The following RARB variants were observed in gnomAD, a reference collection of about 807,000 sequenced individuals.
The protein encoded by RARB is retinoic acid receptor beta, also known as HBV-activated protein.
In RARB, 17 loss-of-function variants were observed where a neutral mutation model predicts 51.9. That is an observed-to-expected ratio of 0.33 (90% CI 0.22 to 0.49). The LOEUF is 0.49. Ranked by LOEUF, RARB falls within the 20% of genes least tolerant of loss-of-function variation. The pLI, the probability that RARB is intolerant of heterozygous loss-of-function variation, is 0.99. For synonymous variants in RARB, 215 were observed against 195.4 expected (o/e 1.10, Z -0.84); for missense variants, 369 against 550.8 (o/e 0.67, Z 3.30).
At chr3:25,034,185 C>G (rs1430195312) in intron 2 of RARB, among the ~76,000 whole-genome samples, 1 of 152,180 alleles carries the variant, frequency 6.6e-6, no homozygotes, top group Non-Finnish European at 1.5e-5. Flanking sequence ...TGGCGTATGC[C>G]TGTAATCCCG....
intron 3 of RARB, among the ~76,000 whole-genome samples, chr3:25,084,033 T>C (rs575838424): frequency 1.1e-3 from 174 of 152,260 alleles, no homozygotes; most frequent in African/African-American, 4.0e-3. Context: ...TCTGGCAGAG[T>C]TCTCTCAGTC....
At chr3:25,537,774 A>C (rs1039579605) in intron 3 of RARB, among the ~76,000 whole-genome samples, 4 of 152,240 alleles carry the variant, frequency 2.6e-5, no homozygotes, top group Non-Finnish European at 5.9e-5. Flanking sequence ...AGTTTTAACT[A>C]TAATCAAAAT....
Position 25,520,954 on chromosome 3 carries a change from T to C in RARB, c.448+19631T>C, listed in dbSNP as rs182594225. Among the ~76,000 whole-genome samples, 1,091 of 152,344 alleles carry C rather than the reference T, an allele frequency of 7.2e-3. 6 individuals carry two copies. The highest frequency in any genetic ancestry group is 0.012 in the Non-Finnish European group (807 of 68,022). On this transcript the variant is annotated intron_variant, in intron 3 of 7. Transcript: ENST00000330688. The stretch of plus-strand genomic sequence containing the variant: ...TGTTTTGTCAGCTGTAGCACAAAAG[T>C]CCTCATTCCTACCCTTTATACACCT...
At chr3:25,133,186 A>G (rs1699979620) in intron 4 of RARB, among the ~76,000 whole-genome samples, 1 of 152,002 alleles carries the variant, frequency 6.6e-6, no homozygotes, top group Non-Finnish European at 1.5e-5. Context: ...AAATTTATTA[A>G]GATGTTCGTA....
intron 1 of RARB, among the ~76,000 whole-genome samples, chr3:24,832,167 G>A (rs1031152142): frequency 2.0e-5 from 3 of 152,142 alleles, no homozygotes; most frequent in Admixed American, 2.0e-4. Flanking sequence ...TAAAATGCCA[G>A]CAAAACAGCT....
chr3:25,102,789 C>T lies in RARB; in HGVS notation c.-327-29372C>T, dbSNP rs149929883. On this transcript the variant is annotated intron_variant, in intron 3 of 11. Coordinates refer to the RARB transcript ENST00000383772. ...GCTTCATGCTGGGCGCTGTGGCTCA[C>T]GCCTGTAATCCCAGCACTTTGGGAG... Among the ~76,000 whole-genome samples, 305 of 152,246 alleles carry T rather than the reference C, an allele frequency of 2.0e-3. 1 individual carries two copies. The highest frequency in any genetic ancestry group is 7.0e-3 in the African/African-American group (291 of 41,570).
chr3:24,878,457 G>T (rs1359324545), intron 2 of RARB, among the ~76,000 whole-genome samples: 1 of 152,022 alleles, frequency 6.6e-6, no homozygotes, highest in Non-Finnish European at 1.5e-5. Context: ...ATGATTTGGA[G>T]TGGGAAGCAA....
intron 5 of RARB, among the ~76,000 whole-genome samples, chr3:25,322,279 T>C (rs1042828025): frequency 2.6e-5 from 4 of 152,066 alleles, no homozygotes; most frequent in Non-Finnish European, 5.9e-5. Context: ...AGATAAGCCA[T>C]AGAGGGATAA....
intron 4 of RARB, among the ~76,000 whole-genome samples, chr3:25,571,809 T>C (rs1282528600): frequency 6.6e-6 from 1 of 152,134 alleles, no homozygotes; most frequent in Non-Finnish European, 1.5e-5. Context: ...AGACAATTTA[T>C]GAAAAGCTGC....
intron 5 of RARB, among the ~76,000 whole-genome samples, chr3:25,390,647 C>T (rs1352819167): frequency 6.6e-6 from 1 of 152,034 alleles, no homozygotes; most frequent in African/African-American, 2.4e-5. Context: ...ATAGAATAAC[C>T]AAATGCATAT....
rs551233101 is a variant in RARB at position 24,884,020 on chromosome 3, T to C, written c.-380+25268T>C. ...AATAGGTAACAAGCATCTCGTCATA[T>C]ACTTTCTTGGTTTCCTGACACCAAC... On this transcript the variant is annotated intron_variant, in intron 2 of 11. Coordinates refer to the RARB transcript ENST00000383772. Among the ~76,000 whole-genome samples, 9 of 152,288 alleles carry C rather than the reference T, an allele frequency of 5.9e-5. No individual in the cohort carries two copies. The East Asian group carries it at 1.7e-3, about 29-fold the overall frequency.
chr3:25,497,033 C>T (rs149886693), intron 2 of RARB, among the ~76,000 whole-genome samples: 12,263 of 152,172 alleles, frequency 0.081, 607 homozygotes, highest in Middle Eastern at 0.17. Context: ...TACAGGCATG[C>T]GCCACCATGC....
chr3:25,580,144 G>A lies in RARB; in HGVS notation c.610-402G>A, dbSNP rs12494611. Among the ~76,000 whole-genome samples, 97 of 152,358 alleles carry A rather than the reference G, an allele frequency of 6.4e-4. No homozygotes were observed. In the Middle Eastern group the frequency reaches 0.01, roughly 16 times the overall value. On this transcript the variant is annotated intron_variant, in intron 4 of 7. Transcript: ENST00000330688. ...AATCCCAGCACTTTGGGAGGCCGAG[G>A]CGGGTGAATCATGAGGTCAGGAGAT...
At chr3:25,283,538 C>T (rs1007658623) in intron 5 of RARB, among the ~76,000 whole-genome samples, 6 of 152,318 alleles carry the variant, frequency 3.9e-5, no homozygotes, top group Middle Eastern at 3.4e-3. Flanking sequence ...TAATACCTGA[C>T]ACCTTAGAGG....
Position 25,371,236 on chromosome 3 carries a change from TA to T in RARB, c.179-89956del, listed in dbSNP as rs1216472014. ...GCCCTCATGAATGGATTAATACCAT[TA>T]TTTTGGAATAATAATACCATTATTT... is the stretch of plus-strand genomic sequence containing the variant. On this transcript the variant is annotated intron_variant, in intron 5 of 11. Coordinates refer to the RARB transcript ENST00000383772. Among the ~76,000 whole-genome samples the T allele has an allele frequency of 3.9e-5, 6 of 152,320 alleles. No individual in the cohort carries two copies. In the East Asian group the frequency reaches 1.2e-3, roughly 29 times the overall value.
At chr3:25,172,532 C>T (rs2098245043) in intron 4 of RARB, among the ~76,000 whole-genome samples, 1 of 152,182 alleles carries the variant, frequency 6.6e-6, no homozygotes, top group South Asian at 2.1e-4. Context: ...ATCAAACTGA[C>T]TCACTTCAAA....
chr3:25,411,337 G>C (rs1707556402), intron 5 of RARB, among the ~76,000 whole-genome samples: 2 of 152,060 alleles, frequency 1.3e-5, no homozygotes, highest in African/African-American at 4.8e-5. Context: ...TTTATGAAAT[G>C]ATAAAAACAA....
intron 5 of RARB, among the ~76,000 whole-genome samples, chr3:25,205,374 G>A (rs891818321): frequency 4.6e-5 from 7 of 152,172 alleles, no homozygotes; most frequent in South Asian, 2.1e-4. Context: ...TGCACTTCCC[G>A]GGTGAGGCAA....
chr3:24,919,676 T>G (rs6774983), intron 2 of RARB, among the ~76,000 whole-genome samples: 1 of 152,062 alleles, frequency 6.6e-6, no homozygotes, highest in African/African-American at 2.4e-5. Context: ...TAAGGTTTCT[T>G]TTTGAACAGT....
Sources: gnomAD v4.1 joint callset for allele counts (sites outside exome capture counted in the v4.1 genomes callset) on GRCh38, gnomAD v4.1.1 for gene constraint, MANE v1.5 for transcripts, NCBI Gene and HGNC (gene_info 2026-07-23, HGNC 2026-07-21) for gene names.